RCAN3: variants seen among roughly 807,000 people sequenced by gnomAD.
RCAN3 encodes the protein calcipressin-3.
Under a neutral mutation model 21.9 loss-of-function variants are expected in RCAN3, and 19 were observed. That is an observed-to-expected ratio of 0.87 (90% CI 0.61 to 1.27). RCAN3 has a LOEUF of 1.27. Ranked by LOEUF, RCAN3 falls within the 50% of genes most tolerant of loss-of-function variation. The pLI, the probability that RCAN3 is intolerant of heterozygous loss-of-function variation, is 0.00. For synonymous variants in RCAN3, 114 were observed against 112.3 expected (o/e 1.01, Z -0.09); for missense variants, 240 against 300.1 (o/e 0.80, Z 1.48).
chr1:24,506,466 C>G, intron 1 of RCAN3, among the ~76,000 whole-genome samples: 1 of 151,766 alleles, frequency 6.6e-6, no homozygotes. Flanking sequence ...TGATAATTAT[C>G]CTATGGGTTA....
At chr1:24,516,033 C>T (rs1648289934) in intron 2 of RCAN3, among the ~76,000 whole-genome samples, 1 of 152,064 alleles carries the variant, frequency 6.6e-6, no homozygotes, top group Non-Finnish European at 1.5e-5. Flanking sequence ...ATCCCAGCTA[C>T]TCAGGAGGCT....
At chr1:24,516,845 TTG>T (rs1267509241) in intron 2 of RCAN3, among the ~76,000 whole-genome samples, 3 of 152,194 alleles carry the variant, frequency 2.0e-5, no homozygotes, top group African/African-American at 7.2e-5. Context: ...CTCGCCAACT[TTG>T]TGTCTTTCAG....
At chr1:24,507,651 A>G (rs1484003824) in intron 1 of RCAN3, 1 of 152,274 alleles carries the variant, frequency 6.6e-6, no homozygotes, top group Non-Finnish European at 1.5e-5. Flanking sequence ...TGAAAGCCAC[A>G]GTGAGATACA....
chr1:24,507,510 C>T (rs963418104), intron 1 of RCAN3: 1 of 152,154 alleles, frequency 6.6e-6, no homozygotes, highest in African/African-American at 2.4e-5. Flanking sequence ...CCTGGGGTTT[C>T]ACAGATACAG....
At position 24,523,873 on chromosome 1, in the gene RCAN3, A is replaced by G. The variant is rs117788080; in HGVS notation, c.196-7345A>G. Among the ~76,000 whole-genome samples the G allele has an allele frequency of 6.2e-3, 950 of 152,318 alleles. 18 individuals are homozygous for G. The highest frequency in any genetic ancestry group is 0.018 in the East Asian group (94 of 5,190). ...GTGTATGATCTGTATGCTGAAAATT[A>G]TATGCTAAACTGTATGCTAAAACAC... On this transcript the variant is annotated intron_variant, in intron 2 of 4. Transcript: ENST00000374395.
At chr1:24,506,777 G>A (rs1366505199) in intron 1 of RCAN3, among the ~76,000 whole-genome samples, 5 of 150,230 alleles carry the variant, frequency 3.3e-5, no homozygotes, top group East Asian at 1.9e-4. Flanking sequence ...TTTTAAGTCA[G>A]GTGAAGGATT....
intron 2 of RCAN3, among the ~76,000 whole-genome samples, chr1:24,530,838 C>T (rs1649701433): frequency 2.0e-5 from 3 of 152,034 alleles, no homozygotes; most frequent in Non-Finnish European, 2.9e-5. Flanking sequence ...TGGTGAAACC[C>T]ATCTCTACTA....
At chr1:24,529,038 C>T (rs1014679296) in intron 2 of RCAN3, among the ~76,000 whole-genome samples, 1 of 152,170 alleles carries the variant, frequency 6.6e-6, no homozygotes, top group African/African-American at 2.4e-5. Context: ...ATAAAAAACT[C>T]CCATCTATTT....
chr1:24,520,807 A>T (rs900857630), intron 2 of RCAN3, among the ~76,000 whole-genome samples: 1 of 152,084 alleles, frequency 6.6e-6, no homozygotes, highest in Non-Finnish European at 1.5e-5. Context: ...CGTTGTACAC[A>T]TGTACCCTAA....
At chr1:24,527,157 GAGTAACTAGGACT>G (rs370195353) in intron 2 of RCAN3, among the ~76,000 whole-genome samples, 48,107 of 151,932 alleles carry the variant, frequency 0.32, 8,100 homozygotes, top group East Asian at 0.66. Flanking sequence ...TCAGCCTCCA[GAGTAACTAGGACT>G]ACAGGTGTGT....
intron 1 of RCAN3, among the ~76,000 whole-genome samples, chr1:24,506,117 G>A (rs1043837742): frequency 1.3e-5 from 2 of 152,166 alleles, no homozygotes; most frequent in Non-Finnish European, 2.9e-5. Flanking sequence ...TACAGGAGCT[G>A]GAGGATATCG....
At chr1:24,532,856 G>A (rs1649883316) in intron 3 of RCAN3, among the ~76,000 whole-genome samples, 1 of 144,568 alleles carries the variant, frequency 6.9e-6, no homozygotes, top group Non-Finnish European at 1.5e-5. Context: ...GGAGGCTGAG[G>A]CAGGAGAATG....
At position 24,535,493 on chromosome 1, in the gene RCAN3, C is replaced by T; in HGVS notation, c.*216C>T. Reference sequence around the variant, plus strand: ...AAGTGATATTCCAAAAGGGACTTTACATTAAAGGAGAAGCCCCCAAGATGT... The same window carrying T: ...AAGTGATATTCCAAAAGGGACTTTATATTAAAGGAGAAGCCCCCAAGATGT... On this transcript the variant is annotated 3_prime_UTR_variant, in exon 5 of 5. Transcript: ENST00000374395. 1 of 425,838 alleles carries T rather than the reference C, an allele frequency of 2.3e-6. No individual in the cohort carries two copies. Among genetic ancestry groups the T allele is most frequent in the East Asian group, 3.6e-5 (1 of 27,440 alleles). 26.4% of individuals were successfully genotyped at this position (425,838 alleles called of 1,614,324 possible).
intron 2 of RCAN3, 35 bp from the exon 3 acceptor site, chr1:24,531,183 C>G: frequency 7.3e-7 from 1 of 1,366,098 alleles, no homozygotes; most frequent in Non-Finnish European, 9.7e-7. Context: ...TTTTTTTCCT[C>G]CCCTTCCCTT....
intron 1 of RCAN3, among the ~76,000 whole-genome samples, chr1:24,504,656 G>GC (rs1647299100): frequency 6.6e-6 from 1 of 152,166 alleles, no homozygotes. Context: ...ATAGTGTGAC[G>GC]CGGAAATCCA....
At chr1:24,518,168 A>G (rs550647929) in intron 2 of RCAN3, among the ~76,000 whole-genome samples, 1 of 151,704 alleles carries the variant, frequency 6.6e-6, no homozygotes, top group Non-Finnish European at 1.5e-5. Flanking sequence ...CTATAAAAAA[A>G]TTTTTTTTTC....
intron 2 of RCAN3, among the ~76,000 whole-genome samples, chr1:24,522,736 T>A (rs751386267): frequency 1.4e-4 from 22 of 152,158 alleles, no homozygotes; most frequent in Non-Finnish European, 2.6e-4. Context: ...CGCTTCCAAG[T>A]TTGGTTATGG....
At position 24,524,831 on chromosome 1, in the gene RCAN3, T is replaced by TG. The variant is rs1002421531; in HGVS notation, c.196-6387_196-6386insG. 1.0e-4 allele frequency among the ~76,000 whole-genome samples: 11 copies of TG among 108,310 alleles called. No individual in the cohort carries two copies. In the South Asian group the frequency reaches 1.3e-3, roughly 13 times the overall value. The allele number at this position is 108,310 out of a possible 152,430, so 71.1% of individuals were successfully genotyped here. A position where few individuals can be genotyped will look rare whatever the true frequency, so the allele number is the denominator to read the frequency against. On this transcript the variant is annotated intron_variant, in intron 2 of 4. Transcript: ENST00000374395. ...TCTGTTTATTTTGTTTTCTTTTGTT[T>TG]TTTTTTTTTTTTTTTTGAGACAGGG...
At chr1:24,507,408 G>A (rs1237171418) in intron 1 of RCAN3, among the ~76,000 whole-genome samples, 1 of 152,156 alleles carries the variant, frequency 6.6e-6, no homozygotes, top group Non-Finnish European at 1.5e-5. Context: ...CTTTGTCTGT[G>A]CTGACATATC....
Sources: allele counts gnomAD v4.1 joint callset (sites outside exome capture counted in the v4.1 genomes callset), GRCh38; gene constraint gnomAD v4.1.1; transcripts MANE v1.5; gene names NCBI Gene and HGNC (gene_info 2026-07-23, HGNC 2026-07-21).